The following ESCO2 variants were observed in gnomAD, a reference collection of about 807,000 sequenced individuals.
The protein encoded by ESCO2 is establishment of sister chromatid cohesion N-acetyltransferase 2.
Under a neutral mutation model 61.7 loss-of-function variants are expected in ESCO2, and 51 were observed. That is an observed-to-expected ratio of 0.83 (90% CI 0.66 to 1.04). ESCO2 has a LOEUF of 1.04. ESCO2 is among the 50% of genes least tolerant of loss of function. The pLI, the probability that ESCO2 is intolerant of heterozygous loss-of-function variation, is 0.00. For missense variants in ESCO2, 692 were observed against 686.2 expected (o/e 1.01, Z -0.09); for synonymous variants, 230 against 238.2 (o/e 0.97, Z 0.32).
downstream of ESCO2, among the ~76,000 whole-genome samples, chr8:27,805,806 G>A (rs1218321518): frequency 6.6e-6 from 1 of 152,058 alleles, no homozygotes; most frequent in African/African-American, 2.4e-5. Flanking sequence ...AGTAGAGACA[G>A]AGTGTCACCA....
intron 9 of ESCO2, among the ~76,000 whole-genome samples, chr8:27,794,849 G>A (rs1003113708): frequency 1.3e-5 from 2 of 152,054 alleles, no homozygotes; most frequent in African/African-American, 4.8e-5. Context: ...TTGCCCCATT[G>A]TTTGTTCTTG....
At chr8:27,774,996 C>T (rs765240875) in intron 1 of ESCO2, among the ~76,000 whole-genome samples, 2 of 152,174 alleles carry the variant, frequency 1.3e-5, no homozygotes, top group Non-Finnish European at 2.9e-5. Flanking sequence ...TTTGAAATAA[C>T]GCTTGTGTGC....
At position 27,776,500 on chromosome 8, in the gene ESCO2, A is replaced by G. The variant is rs1302303260; in HGVS notation, c.192A>G (p.Glu64=). The change falls in exon 3 of 11, where the codon GAA becomes GAG. Residue 64 remains glutamate (E), a synonymous_variant. Transcript: ENST00000305188. ...TTTTAAGTGCGCTCAAAACAACTGA[A>G]ATAAATAGACTGCCATCAGCAAATC... ...HFVLSALKTT[E]INRLPSANQG... 14 of 1,613,782 alleles carry G rather than the reference A, an allele frequency of 8.7e-6. No individual in the cohort carries two copies. The African/African-American group carries it at 1.6e-4, about 18-fold the overall frequency.
At position 27,803,903 on chromosome 8, in the gene ESCO2, A is replaced by G; in HGVS notation, c.*465A>G. The G allele has an allele frequency of 1.0e-6, 1 of 982,694 alleles. No homozygotes were observed. The highest frequency in any genetic ancestry group is 1.2e-6 in the Non-Finnish European group (1 of 833,424). 60.9% of individuals were successfully genotyped at this position (982,694 alleles called of 1,614,324 possible). A position where few individuals can be genotyped will look rare whatever the true frequency, so the allele number is the denominator to read the frequency against. ...GCCCAATTTGTAAAGGGAATTCCTG[A>G]ATTTTTTTTTTTTTTTAATAGAGGC... is the stretch of plus-strand genomic sequence containing the variant. On this transcript the variant is annotated 3_prime_UTR_variant, in exon 11 of 11. Transcript: ENST00000305188.
chr8:27,814,033 A>G (rs1211723707), downstream of ESCO2, among the ~76,000 whole-genome samples: 3 of 152,154 alleles, frequency 2.0e-5, no homozygotes, highest in Non-Finnish European at 2.9e-5. Flanking sequence ...ATGTCCTACA[A>G]TGTGTCAGGT....
chr8:27,795,565 AGTTAG>A (rs1449648900), intron 9 of ESCO2, among the ~76,000 whole-genome samples: 1 of 152,126 alleles, frequency 6.6e-6, no homozygotes, highest in African/African-American at 2.4e-5. Context: ...AAATGATGAG[AGTTAG>A]CATCCTTGTC....
intron 9 of ESCO2, among the ~76,000 whole-genome samples, chr8:27,795,193 C>A (rs1167832604): frequency 6.6e-6 from 1 of 152,164 alleles, no homozygotes; most frequent in Admixed American, 6.5e-5. Flanking sequence ...TCTTCATCTT[C>A]TTTCATCAGT....
Position 27,804,371 on chromosome 8 carries a change from C to G in ESCO2, c.*933C>G. ...AATGCCTAGTTGGATTAGATGTTTT[C>G]ATTTTCTAATTTTTTGCTTGTTTAA... On this transcript the variant is annotated 3_prime_UTR_variant, in exon 11 of 11. Coordinates refer to ENST00000305188, the MANE Select transcript of ESCO2 (RefSeq NM_001017420.3). The G allele has an allele frequency of 1.0e-6, 1 of 985,332 alleles. No individual in the cohort carries two copies. Among genetic ancestry groups the G allele is most frequent in the Non-Finnish European group, 1.2e-6 (1 of 829,896 alleles). The allele number at this position is 985,332 out of a possible 1,614,324, so 61.0% of individuals were successfully genotyped here.
chr8:27,802,654 T>TAC (rs1805471659), intron 10 of ESCO2, among the ~76,000 whole-genome samples: 1 of 69,882 alleles, frequency 1.4e-5, no homozygotes, highest in Non-Finnish European at 2.6e-5. Flanking sequence ...TATATATATA[T>TAC]ATTATATATA....
intron 8 of ESCO2, 26 bp from the exon 9 acceptor site, chr8:27,792,642 C>A: frequency 6.2e-7 from 1 of 1,608,374 alleles, no homozygotes; most frequent in Non-Finnish European, 8.5e-7. Flanking sequence ...AAAACATTCA[C>A]CTGTCTTGGT....
intron 10 of ESCO2, among the ~76,000 whole-genome samples, chr8:27,802,155 T>C (rs932651972): frequency 2.0e-5 from 3 of 151,802 alleles, no homozygotes; most frequent in African/African-American, 7.3e-5. Context: ...TTTTTTTTCT[T>C]TCACAAACAA....
chr8:27,802,657 T>C (rs867677237), intron 10 of ESCO2, among the ~76,000 whole-genome samples: 1 of 43,866 alleles, frequency 2.3e-5, no homozygotes, highest in African/African-American at 8.6e-5. Flanking sequence ...ATATATATAT[T>C]ATATATATAT....
chr8:27,797,180 A>G (rs1225726895), intron 9 of ESCO2, among the ~76,000 whole-genome samples: 1 of 152,194 alleles, frequency 6.6e-6, no homozygotes, highest in Non-Finnish European at 1.5e-5. Context: ...TGTTGAAAGT[A>G]GGATCTTGAA....
chr8:27,804,784 C>A lies in ESCO2; in HGVS notation c.*1346C>A. 4.1e-6 allele frequency: 4 copies of A among 979,960 alleles called. No homozygotes were observed. Among genetic ancestry groups the A allele is most frequent in the Non-Finnish European group, 4.8e-6 (4 of 825,062 alleles). 60.7% of individuals were successfully genotyped at this position (979,960 alleles called of 1,614,324 possible). ...ATTAAAATGTATGTAATTATGCAAA[C>A]ATTTTAATGCTATTTTCTGCACTTA... On this transcript the variant is annotated 3_prime_UTR_variant, in exon 11 of 11. Coordinates refer to ENST00000305188, the MANE Select transcript of ESCO2 (RefSeq NM_001017420.3).
chr8:27,817,518 T>G (rs1805841500), downstream of ESCO2, among the ~76,000 whole-genome samples: 1 of 151,966 alleles, frequency 6.6e-6, no homozygotes, highest in Admixed American at 6.6e-5. Context: ...TTGTTACTGC[T>G]TTAGTTTTCA....
At chr8:27,787,821 G>A (rs1805080062) in intron 5 of ESCO2, 64 bp from the exon 6 acceptor site, 1 of 1,278,522 alleles carries the variant, frequency 7.8e-7, no homozygotes, top group African/African-American at 1.5e-5. Flanking sequence ...ATAAATGGCT[G>A]CTTTCTTTCC....
At chr8:27,802,630 A>ATGT (rs1358714847) in intron 10 of ESCO2, among the ~76,000 whole-genome samples, 39 of 45,824 alleles carry the variant, frequency 8.5e-4, no homozygotes, top group Non-Finnish European at 1.2e-3. Flanking sequence ...AAAAAAAAAA[A>ATGT]ATATATATAT....
intron 4 of ESCO2, among the ~76,000 whole-genome samples, chr8:27,783,056 TGTATA>T (rs1382774747): frequency 2.0e-5 from 3 of 152,186 alleles, no homozygotes; most frequent in Non-Finnish European, 4.4e-5. Context: ...TTTTATCAAA[TGTATA>T]GAATTACGTA....
intron 9 of ESCO2, among the ~76,000 whole-genome samples, chr8:27,793,901 C>G (rs1805237488): frequency 6.6e-6 from 1 of 152,184 alleles, no homozygotes; most frequent in Admixed American, 6.5e-5. Flanking sequence ...TTTCTCCCAT[C>G]TCTCACTCCC....
Sources: allele counts gnomAD v4.1 joint callset (sites outside exome capture counted in the v4.1 genomes callset), GRCh38; gene constraint gnomAD v4.1.1; transcripts MANE v1.5; gene names NCBI Gene and HGNC (gene_info 2026-07-23, HGNC 2026-07-21).